Variants in SLC35A5 observed in about 807,000 individuals in gnomAD.
SLC35A5 encodes the protein UDP-sugar transporter protein SLC35A5.
A neutral mutation model predicts 36.3 loss-of-function variants in SLC35A5; 28 were observed. The observed-to-expected ratio is 0.77, with a 90% CI of 0.57 to 1.06. The LOEUF is 1.06. SLC35A5 is among the 50% of genes least tolerant of loss of function. The probability of loss-of-function intolerance (pLI) is 0.00; values close to 1 mark genes in which losing one functional copy is unlikely to be tolerated. For synonymous variants in SLC35A5, 180 were observed against 173.7 expected (o/e 1.04, Z -0.29); for missense variants, 521 against 499.3 (o/e 1.04, Z -0.41).
At chr3:112,565,811 GAGA>G (rs1934169614) in intron 2 of SLC35A5, among the ~76,000 whole-genome samples, 2 of 152,102 alleles carry the variant, frequency 1.3e-5, no homozygotes, top group Middle Eastern at 3.2e-3. Context: ...TCAGAAGAAA[GAGA>G]AGGAGTGGTT....
rs746490979 is a variant in SLC35A5, at chr3:112,570,523, C to G, written c.230-17C>G. The G allele has an allele frequency of 7.5e-6, 12 of 1,601,190 alleles. No homozygotes were observed. In the Admixed American group the frequency reaches 2.1e-4, roughly 28 times the overall value. On this transcript the variant is annotated splice_polypyrimidine_tract_variant and intron_variant, in intron 3 of 6. Transcript: ENST00000492406. The stretch of plus-strand genomic sequence containing the variant: ...GGCATTCTCATCAAGGTCATTTACA[C>G]CGTGTTTCTTTCTAAGATCATCAAA...
At chr3:112,561,356 AC>A, upstream of SLC35A5, 3 of 1,269,084 alleles carry the variant, frequency 2.4e-6, no homozygotes, top group Non-Finnish European at 3.4e-6. Context: ...CTGCCTTCCT[AC>A]ACCTTGCCCC....
rs548150086 is a variant in SLC35A5, at chr3:112,576,222, G to T, written c.428+2266G>T. On this transcript the variant is annotated intron_variant, in intron 5 of 6. Transcript: ENST00000492406. ...AGCTCACTGCAACCTCCGCCTCCTG[G>T]GTTCAAGTGATTCCCCTGCCTCAGC... Among the ~76,000 whole-genome samples, 80 of 151,590 alleles carry T rather than the reference G, an allele frequency of 5.3e-4. 1 individual carries two copies. Among genetic ancestry groups the T allele is most frequent in the African/African-American group, 1.8e-3 (75 of 41,370 alleles).
At chr3:112,573,484 C>T (rs1213773901) in intron 4 of SLC35A5, among the ~76,000 whole-genome samples, 1 of 152,178 alleles carries the variant, frequency 6.6e-6, no homozygotes, top group Non-Finnish European at 1.5e-5. Context: ...AAAATCTATA[C>T]TTCAGTTTTC....
chr3:112,565,014 A>G (rs1053681996), intron 2 of SLC35A5, among the ~76,000 whole-genome samples: 1 of 152,192 alleles, frequency 6.6e-6, no homozygotes, highest in Non-Finnish European at 1.5e-5. Context: ...CCCACAATTG[A>G]GGACACATAC....
chr3:112,573,437 A>G (rs982433787), intron 4 of SLC35A5, among the ~76,000 whole-genome samples: 1 of 152,328 alleles, frequency 6.6e-6, no homozygotes, highest in South Asian at 2.1e-4. Flanking sequence ...CAACCAGGAA[A>G]ATTGATACAA....
In SLC35A5 at chr3:112,582,742, AC is replaced by A. The variant is rs938985192; in HGVS notation, c.*9del. 6 of 1,608,820 alleles carry A rather than the reference AC, an allele frequency of 3.7e-6. No homozygotes were observed. In the African/African-American group the frequency reaches 8.0e-5, roughly 22 times the overall value. ...CAGATGAAGATACTTTCTAACTGGT[AC>A]CCACATAGTTTGCAGCTCTCTTGAA... On this transcript the variant is annotated 3_prime_UTR_variant, in exon 7 of 7. Transcript: ENST00000492406.
intron 5 of SLC35A5, among the ~76,000 whole-genome samples, chr3:112,580,215 T>C (rs530890391): frequency 6.6e-6 from 1 of 152,188 alleles, no homozygotes; most frequent in South Asian, 2.1e-4. Context: ...TGCTGTAACT[T>C]TATAGTACAA....
chr3:112,567,602 G>A (rs1934257760), intron 2 of SLC35A5, among the ~76,000 whole-genome samples: 2 of 152,224 alleles, frequency 1.3e-5, no homozygotes, highest in Admixed American at 1.3e-4. Flanking sequence ...ACTGCACCCA[G>A]CTAGAAGGGA....
chr3:112,570,045 TTC>T (rs1934371755), intron 3 of SLC35A5, among the ~76,000 whole-genome samples: 1 of 152,234 alleles, frequency 6.6e-6, no homozygotes, highest in Non-Finnish European at 1.5e-5. Flanking sequence ...TTGTTTTACA[TTC>T]TCTCTGCTAC....
rs1935016678 is a variant in SLC35A5, at chr3:112,583,312, C to T, written c.*576C>T. Reference sequence around the variant, plus strand: ...TGTGCTAAATATTTTGCTGAAGAAGCAGTTTCTCAGACACAACATCTCAGA... The same window carrying T: ...TGTGCTAAATATTTTGCTGAAGAAGTAGTTTCTCAGACACAACATCTCAGA... On this transcript the variant is annotated 3_prime_UTR_variant, in exon 7 of 7. Coordinates refer to ENST00000492406, the MANE Select transcript of SLC35A5 (RefSeq NM_017945.5). 1 of 394,080 alleles carries T rather than the reference C, an allele frequency of 2.5e-6. No homozygotes were observed. 24.4% of individuals were successfully genotyped at this position (394,080 alleles called of 1,614,324 possible).
rs34538509 is a variant in SLC35A5, at chr3:112,576,122, A to AT, written c.428+2177dup. 3.2e-4 allele frequency among the ~76,000 whole-genome samples: 47 copies of AT among 145,558 alleles called. 1 individual carries two copies. Among genetic ancestry groups the AT allele is most frequent in the South Asian group, 4.4e-4 (2 of 4,592 alleles). ...AAAAGAAAAAAAATTTGCCATCTTAATTTTTTTTTTTGGCAGTGGGGGTGG... is the reference window on the plus strand; with the variant it reads ...AAAAGAAAAAAAATTTGCCATCTTAATTTTTTTTTTTTGGCAGTGGGGGTGG... On this transcript the variant is annotated intron_variant, in intron 5 of 6. Transcript: ENST00000492406.
chr3:112,564,495 AAT>A (rs928498912), intron 2 of SLC35A5: 2 of 152,304 alleles, frequency 1.3e-5, no homozygotes, highest in Non-Finnish European at 2.9e-5. Flanking sequence ...CAGTAGATGG[AAT>A]ATACAATCGG....
At chr3:112,565,733 A>G (rs1290151438) in intron 2 of SLC35A5, among the ~76,000 whole-genome samples, 3 of 152,172 alleles carry the variant, frequency 2.0e-5, no homozygotes, top group Non-Finnish European at 2.9e-5. Context: ...AGATCATGCC[A>G]CTGCACTCCA....
intron 5 of SLC35A5, among the ~76,000 whole-genome samples, chr3:112,579,091 C>G (rs1038988449): frequency 6.6e-6 from 1 of 152,088 alleles, no homozygotes; most frequent in African/African-American, 2.4e-5. Flanking sequence ...CTAGGCTAGT[C>G]TGTGCATTTA....
upstream of SLC35A5, chr3:112,561,578 C>G (rs1933884893): frequency 6.4e-7 from 1 of 1,573,204 alleles, no homozygotes; most frequent in Non-Finnish European, 8.7e-7. Context: ...AAAGTGCAGC[C>G]GTGTCAGGGG....
In SLC35A5 at chr3:112,584,098, CAAT is replaced by C. The variant is rs1387581831; in HGVS notation, c.*1367_*1369del. On this transcript the variant is annotated 3_prime_UTR_variant, in exon 7 of 7. Transcript: ENST00000492406. ...TTATATAATTCATTTGTGATATCCA[CAAT>C]AATATGACTGGCAAGAATTGGTGGA... The C allele has an allele frequency of 2.0e-5, 3 of 152,078 alleles. No homozygotes were observed. The highest frequency in any genetic ancestry group is 7.2e-5 in the African/African-American group (3 of 41,404). 9.4% of individuals were successfully genotyped at this position (152,078 alleles called of 1,614,324 possible). A position where few individuals can be genotyped will look rare whatever the true frequency, so the allele number is the denominator to read the frequency against.
At chr3:112,569,903 G>T (rs1934367758) in intron 3 of SLC35A5, among the ~76,000 whole-genome samples, 1 of 152,178 alleles carries the variant, frequency 6.6e-6, no homozygotes, top group Admixed American at 6.5e-5. Flanking sequence ...GCATTGAAGT[G>T]TTTGCCCAGC....
chr3:112,570,261 T>C (rs897941792), intron 3 of SLC35A5, among the ~76,000 whole-genome samples: 1 of 152,092 alleles, frequency 6.6e-6, no homozygotes, highest in Admixed American at 6.5e-5. Context: ...GTTGGCCTTA[T>C]GCTCTTACAG....
Sources: gnomAD v4.1 joint callset for allele counts (sites outside exome capture counted in the v4.1 genomes callset) on GRCh38, gnomAD v4.1.1 for gene constraint, MANE v1.5 for transcripts, NCBI Gene and HGNC (gene_info 2026-07-23, HGNC 2026-07-21) for gene names.